KLHL1: variants seen among roughly 807,000 people sequenced by gnomAD.
KLHL1 encodes kelch like family member 1, also known as kelch-like protein 1.
KLHL1 carries 47 observed loss-of-function variants against 77.7 expected under a neutral mutation model. That is an observed-to-expected ratio of 0.60 (90% CI 0.48 to 0.77). The LOEUF is 0.77. KLHL1 is among the 30% of genes least tolerant of loss of function. KLHL1 has a pLI of 0.00. For synonymous variants in KLHL1, 360 were observed against 325.2 expected, an observed-to-expected ratio of 1.11 and a Z score of -1.15; for missense variants, 925 against 910.8, an observed-to-expected ratio of 1.02 and a Z score of -0.20.
intron 1 of KLHL1, among the ~76,000 whole-genome samples, chr13:70,024,650 C>CTT: frequency 6.7e-6 from 1 of 149,764 alleles, no homozygotes; most frequent in African/African-American, 2.5e-5. Flanking sequence ...CTCTCTCTCT[C>CTT]TCTCTCTCTC....
chr13:70,067,976 ACT>A (rs563196485), intron 1 of KLHL1, among the ~76,000 whole-genome samples: 198 of 151,772 alleles, frequency 1.3e-3, no homozygotes, highest in Non-Finnish European at 2.5e-3. Context: ...TACAGTATAC[ACT>A]GTTTCTTTTC....
chr13:69,749,167 A>G (rs777144998), intron 7 of KLHL1, among the ~76,000 whole-genome samples: 28 of 152,178 alleles, frequency 1.8e-4, no homozygotes, highest in Non-Finnish European at 3.7e-4. Context: ...TTGGACTAGA[A>G]TAATTTCAAA....
In KLHL1 at chr13:69,740,414, A is replaced by G. The variant is rs774997101; in HGVS notation, c.1782T>C (p.Gly594=). 1.1e-5 allele frequency: 18 copies of G among 1,604,350 alleles called. No individual in the cohort carries two copies. In the East Asian group the frequency reaches 4.0e-4, roughly 36 times the overall value. ...ASMSIARSTV[G]VAALNGKLYS... is the part of the protein sequence containing the mutation. ...CTTACTTGCCATTCAATGCTGCTACACCAACTGTGCTCCGAGCAATTGACA... is the reference window on the plus strand; with the variant it reads ...CTTACTTGCCATTCAATGCTGCTACGCCAACTGTGCTCCGAGCAATTGACA... The change falls in exon 8 of 11, where the codon GGT becomes GGC. Residue 594 remains glycine, a synonymous_variant. Coordinates refer to ENST00000377844, the MANE Select transcript of KLHL1 (RefSeq NM_020866.3).
intron 1 of KLHL1, among the ~76,000 whole-genome samples, chr13:70,022,272 CGTGTGTGTTTGTGTGT>C (rs766004864): frequency 1.8e-5 from 1 of 54,112 alleles, no homozygotes; most frequent in African/African-American, 1.1e-4. Flanking sequence ...AAGTTGATTA[CGTGTGTGTTTGTGTGT>C]GTGTGTGTGT....
chr13:69,785,532 C>T (rs566868819), intron 7 of KLHL1, among the ~76,000 whole-genome samples: 19 of 152,022 alleles, frequency 1.2e-4, no homozygotes, highest in Non-Finnish European at 2.1e-4. Context: ...AAATTTATAG[C>T]ACTAAATGCC....
At chr13:70,091,648 C>G (rs1887675363) in intron 1 of KLHL1, among the ~76,000 whole-genome samples, 1 of 152,114 alleles carries the variant, frequency 6.6e-6, no homozygotes, top group Admixed American at 6.6e-5. Context: ...CATCAATCTG[C>G]TGCAGGAGTA....
intron 5 of KLHL1, among the ~76,000 whole-genome samples, chr13:69,863,927 T>C (rs774358318): frequency 2.6e-5 from 4 of 151,978 alleles, no homozygotes; most frequent in Non-Finnish European, 5.9e-5. Context: ...TTATGTATTG[T>C]ACATAATAAG....
At chr13:69,992,253 T>C (rs941084171) in intron 1 of KLHL1, among the ~76,000 whole-genome samples, 1 of 152,048 alleles carries the variant, frequency 6.6e-6, no homozygotes, top group Non-Finnish European at 1.5e-5. Context: ...ATTGAGTGCC[T>C]ACTCTCAGGG....
intron 5 of KLHL1, among the ~76,000 whole-genome samples, chr13:69,869,027 G>A (rs770307849): frequency 1.3e-5 from 2 of 151,992 alleles, no homozygotes; most frequent in Non-Finnish European, 2.9e-5. Flanking sequence ...ACCTGAATTG[G>A]CCTGATAAGG....
At chr13:69,856,449 T>G (rs994807000) in intron 5 of KLHL1, among the ~76,000 whole-genome samples, 5 of 152,078 alleles carry the variant, frequency 3.3e-5, no homozygotes, top group Non-Finnish European at 7.4e-5. Context: ...AGGAGTCTTC[T>G]ATTTTCTGCC....
At chr13:70,102,665 A>G (rs146396196) in intron 1 of KLHL1, among the ~76,000 whole-genome samples, 60 of 152,302 alleles carry the variant, frequency 3.9e-4, no homozygotes, top group Non-Finnish European at 7.1e-4. Flanking sequence ...ATTAATAACA[A>G]GTCTGTGATT....
At chr13:69,780,731 T>TATATATATATATATATATATAC (rs1555267679) in intron 7 of KLHL1, among the ~76,000 whole-genome samples, 1 of 75,332 alleles carries the variant, frequency 1.3e-5, no homozygotes, top group African/African-American at 5.2e-5. Flanking sequence ...TATATATATA[T>TATATATATATATATATATATAC]ACATATATAT....
chr13:69,905,205 C>A (rs1486421725), intron 4 of KLHL1, among the ~76,000 whole-genome samples: 1 of 152,084 alleles, frequency 6.6e-6, no homozygotes, highest in African/African-American at 2.4e-5. Flanking sequence ...ATGGAATCTA[C>A]ATGTTGGTTT....
chr13:69,783,363 G>C (rs568032453), intron 7 of KLHL1, among the ~76,000 whole-genome samples: 2 of 152,074 alleles, frequency 1.3e-5, no homozygotes, highest in African/African-American at 4.8e-5. Context: ...GTCTCCAGAC[G>C]ATCAAACTAC....
intron 5 of KLHL1, among the ~76,000 whole-genome samples, chr13:69,860,205 T>C (rs1160774654): frequency 6.6e-6 from 1 of 152,080 alleles, no homozygotes; most frequent in Non-Finnish European, 1.5e-5. Flanking sequence ...CAATTGAAGA[T>C]ATGGAGTGGT....
intron 1 of KLHL1, among the ~76,000 whole-genome samples, chr13:70,089,594 T>C (rs1285771816): frequency 2.6e-5 from 4 of 152,054 alleles, no homozygotes; most frequent in Non-Finnish European, 5.9e-5. Context: ...ATTATGTATA[T>C]ATAAATTTTA....
chr13:70,027,135 A>C (rs1167451868), intron 1 of KLHL1, among the ~76,000 whole-genome samples: 1 of 152,160 alleles, frequency 6.6e-6, no homozygotes, highest in Non-Finnish European at 1.5e-5. Context: ...AGAATGATTT[A>C]GGATTTTTAA....
At position 69,866,799 on chromosome 13, in the gene KLHL1, C is replaced by T. The variant is rs537633138; in HGVS notation, c.1227+15484G>A. Among the ~76,000 whole-genome samples the T allele has an allele frequency of 2.2e-4, 33 of 152,178 alleles. 1 individual carries two copies. The highest frequency in any genetic ancestry group is 7.7e-4 in the African/African-American group (32 of 41,536). On this transcript the variant is annotated intron_variant, in intron 5 of 10. Coordinates refer to ENST00000377844, the MANE Select transcript of KLHL1 (RefSeq NM_020866.3). ...TGCTTATCTAGGGCAATTCACTGAC[C>T]ACATTTCAGACACAAATTTAGAGGT...
chr13:69,841,842 T>C (rs908295458), intron 5 of KLHL1, among the ~76,000 whole-genome samples: 15 of 151,744 alleles, frequency 9.9e-5, no homozygotes, highest in South Asian at 4.1e-4. Flanking sequence ...AAGATAGATA[T>C]ATAGGCCAAT....
Sources: allele counts gnomAD v4.1 joint callset (sites outside exome capture counted in the v4.1 genomes callset), GRCh38; gene constraint gnomAD v4.1.1; transcripts MANE v1.5; gene names NCBI Gene and HGNC (gene_info 2026-07-23, HGNC 2026-07-21).